Variants in CREB3L2 observed in about 807,000 individuals in gnomAD.
CREB3L2 encodes the protein cAMP responsive element binding protein 3 like 2.
Under a neutral mutation model 57.2 loss-of-function variants are expected in CREB3L2, and 23 were observed. The observed-to-expected ratio is 0.40, with a 90% CI of 0.29 to 0.57. The LOEUF is 0.57. CREB3L2 is among the 20% of genes least tolerant of loss of function. The pLI is 0.42. For synonymous variants in CREB3L2, 268 were observed against 265.1 expected (o/e 1.01, Z -0.11); for missense variants, 628 against 634.7 (o/e 0.99, Z 0.11).
chr7:137,923,567 G>A lies in CREB3L2; in HGVS notation c.319+4583C>T, dbSNP rs561503257. Among the ~76,000 whole-genome samples the A allele has an allele frequency of 2.4e-4, 37 of 152,272 alleles. No homozygotes were observed. In the South Asian group the frequency reaches 6.6e-3, roughly 27 times the overall value. On this transcript the variant is annotated intron_variant, in intron 2 of 11. Coordinates refer to ENST00000330387, the MANE Select transcript of CREB3L2 (RefSeq NM_194071.4). ...AGTGATGTTCTTGTCATCAGCTCAC[G>A]CTATATGTGATGAAGACACCGTTAT...
intron 1 of CREB3L2, among the ~76,000 whole-genome samples, chr7:137,936,098 C>T (rs34786382): frequency 0.091 from 13,863 of 152,220 alleles, 935 homozygotes; most frequent in Admixed American, 0.22. Context: ...ACCTGTCTTC[C>T]GTACAGTACT....
At chr7:137,994,376 C>T (rs1232291640) in intron 1 of CREB3L2, among the ~76,000 whole-genome samples, 1 of 152,222 alleles carries the variant, frequency 6.6e-6, no homozygotes, top group East Asian at 1.9e-4. Context: ...TTGCCACCTG[C>T]TGTCGATCCC....
chr7:137,877,878 G>A lies in CREB3L2; in HGVS notation c.*2598C>T, dbSNP rs1278451268. Reference sequence around the variant, plus strand: ...TCCATTAACTATTTGGAACCAATCTGGTGCTATACAACTCTTCTGTGTCCT... The same window carrying A: ...TCCATTAACTATTTGGAACCAATCTAGTGCTATACAACTCTTCTGTGTCCT... On this transcript the variant is annotated 3_prime_UTR_variant, in exon 12 of 12. Coordinates refer to ENST00000330387, the MANE Select transcript of CREB3L2 (RefSeq NM_194071.4). 4.4e-6 allele frequency: 1 copy of A among 228,480 alleles called. No individual in the cohort carries two copies. Among genetic ancestry groups the A allele is most frequent in the African/African-American group, 2.2e-5 (1 of 45,052 alleles). 14.2% of individuals were successfully genotyped at this position (228,480 alleles called of 1,614,324 possible). A position where few individuals can be genotyped will look rare whatever the true frequency, so the allele number is the denominator to read the frequency against.
intron 1 of CREB3L2, among the ~76,000 whole-genome samples, chr7:137,989,107 TCC>T (rs1801839834): frequency 1.3e-5 from 2 of 152,174 alleles, no homozygotes; most frequent in Admixed American, 1.3e-4. Context: ...TTAATCTTGT[TCC>T]AAAAAAATCA....
chr7:137,888,929 T>C (rs915027153), intron 8 of CREB3L2, among the ~76,000 whole-genome samples: 2 of 152,034 alleles, frequency 1.3e-5, no homozygotes, highest in African/African-American at 4.8e-5. Context: ...CCTTTCCAGA[T>C]GGTACCAAAG....
chr7:137,977,120 C>A (rs923001062), intron 1 of CREB3L2, among the ~76,000 whole-genome samples: 10 of 152,230 alleles, frequency 6.6e-5, no homozygotes, highest in African/African-American at 2.4e-4. Flanking sequence ...TGCCCCTGCA[C>A]CTCCCACCAT....
At chr7:137,913,718 A>G (rs1477530937) in intron 3 of CREB3L2, among the ~76,000 whole-genome samples, 1 of 151,950 alleles carries the variant, frequency 6.6e-6, no homozygotes, top group African/African-American at 2.4e-5. Flanking sequence ...TAGTTTGGGT[A>G]AAGTAAGAAC....
intron 1 of CREB3L2, among the ~76,000 whole-genome samples, chr7:137,983,982 C>T (rs964397347): frequency 6.6e-6 from 1 of 152,204 alleles, no homozygotes; most frequent in Non-Finnish European, 1.5e-5. Flanking sequence ...CACTCACATT[C>T]CAGGCACAGT....
At chr7:137,946,835 T>C (rs1330760188) in intron 1 of CREB3L2, among the ~76,000 whole-genome samples, 1 of 80,204 alleles carries the variant, frequency 1.2e-5, no homozygotes, top group East Asian at 4.4e-4. Context: ...GTTATCTATA[T>C]ATAGTTATCT....
At chr7:137,886,433 G>A (rs188822547) in intron 8 of CREB3L2, among the ~76,000 whole-genome samples, 21 of 151,796 alleles carry the variant, frequency 1.4e-4, no homozygotes, top group African/African-American at 5.1e-4. Flanking sequence ...GACTGGAAAT[G>A]CCAACACAGA....
intron 1 of CREB3L2, among the ~76,000 whole-genome samples, chr7:137,949,811 C>T (rs181654273): frequency 2.0e-5 from 3 of 152,214 alleles, no homozygotes; most frequent in East Asian, 1.9e-4. Flanking sequence ...AAACCCAATC[C>T]GCACTGGTTA....
intron 1 of CREB3L2, among the ~76,000 whole-genome samples, chr7:137,944,395 G>T (rs1221754942): frequency 2.0e-5 from 3 of 152,120 alleles, no homozygotes; most frequent in African/African-American, 7.2e-5. Flanking sequence ...AGGTCTTCTG[G>T]CTCACAAAAG....
chr7:137,928,380 A>T lies in CREB3L2; in HGVS notation c.103-14T>A, dbSNP rs1485022849. The T allele has an allele frequency of 6.2e-7, 1 of 1,606,870 alleles. No homozygotes were observed. Among genetic ancestry groups the T allele is most frequent in the Non-Finnish European group, 8.5e-7 (1 of 1,174,136 alleles). ...TTCTGAGAAGTGCTACAAGAAACAA[A>T]GGAGGAAGAACTCAGTTTCTCTTAA... On this transcript the variant is annotated splice_polypyrimidine_tract_variant and intron_variant, in intron 1 of 11. Transcript: ENST00000330387.
rs1321354179 is a variant in CREB3L2 at position 137,876,515 on chromosome 7, G to A, written c.*3961C>T. Reference sequence around the variant, plus strand: ...CTTATGAAACTGAAAAGTCTTAGGAGTAACTGAATGAGTGAGTGAATGAAC... The same window carrying A: ...CTTATGAAACTGAAAAGTCTTAGGAATAACTGAATGAGTGAGTGAATGAAC... On this transcript the variant is annotated 3_prime_UTR_variant, in exon 12 of 12. Transcript: ENST00000330387. 1 of 232,958 alleles carries A rather than the reference G, an allele frequency of 4.3e-6. No homozygotes were observed. The highest frequency in any genetic ancestry group is 6.0e-5 in the East Asian group (1 of 16,588). 14.4% of individuals were successfully genotyped at this position (232,958 alleles called of 1,614,324 possible). A position where few individuals can be genotyped will look rare whatever the true frequency, so the allele number is the denominator to read the frequency against.
rs1799168456 is a variant in CREB3L2 at position 137,876,924 on chromosome 7, C to G, written c.*3552G>C. On this transcript the variant is annotated 3_prime_UTR_variant, in exon 12 of 12. Coordinates refer to ENST00000330387, the MANE Select transcript of CREB3L2 (RefSeq NM_194071.4). ...GGGGTGGGATGTCTCCATTTCTGGA[C>G]TGTGCTCAAATTCACACCTTGTATG... The G allele has an allele frequency of 4.3e-6, 1 of 232,440 alleles. No homozygotes were observed. The highest frequency in any genetic ancestry group is 8.5e-6 in the Non-Finnish European group (1 of 117,498). 14.4% of individuals were successfully genotyped at this position (232,440 alleles called of 1,614,324 possible).
At chr7:137,988,817 G>A (rs1801833361) in intron 1 of CREB3L2, among the ~76,000 whole-genome samples, 1 of 152,080 alleles carries the variant, frequency 6.6e-6, no homozygotes. Context: ...TCAGAGGCCA[G>A]GCTCAGTGGC....
At chr7:137,910,568 A>AAAAC (rs751855759) in intron 4 of CREB3L2, among the ~76,000 whole-genome samples, 2 of 152,080 alleles carry the variant, frequency 1.3e-5, no homozygotes. Flanking sequence ...TAAAAACAAA[A>AAAAC]AAACAAACAA....
chr7:137,982,572 T>C (rs911849202), intron 1 of CREB3L2, among the ~76,000 whole-genome samples: 3 of 152,234 alleles, frequency 2.0e-5, no homozygotes, highest in African/African-American at 7.2e-5. Flanking sequence ...GATGGTTTTA[T>C]AAAGAGAAGT....
Position 137,908,433 on chromosome 7 carries a change from G to A in CREB3L2, c.587C>T (p.Pro196Leu). 1 of 1,263,550 alleles carries A rather than the reference G, an allele frequency of 7.9e-7. No individual in the cohort carries two copies. The highest frequency in any genetic ancestry group is 3.5e-5 in the South Asian group (1 of 28,562). 78.3% of individuals were successfully genotyped at this position (1,263,550 alleles called of 1,614,324 possible). A position where few individuals can be genotyped will look rare whatever the true frequency, so the allele number is the denominator to read the frequency against. ...GGGCGGCAAATGCAGGTGGTCCACT[G>A]GGGCTGCAAAAAAGGAAGCACATCT... ...QFLNFSPKEA[P>L]VDHLHLPPTP... The change falls in exon 5 of 12, where the codon CCA (proline) becomes CTA (leucine). Residue 196 changes from proline to leucine, a missense_variant. Pro to Leu is a moderately conservative substitution (Grantham distance 98). Coordinates refer to ENST00000330387, the MANE Select transcript of CREB3L2 (RefSeq NM_194071.4).
Sources: gnomAD v4.1 joint callset for allele counts (sites outside exome capture counted in the v4.1 genomes callset) on GRCh38, gnomAD v4.1.1 for gene constraint, MANE v1.5 for transcripts, NCBI Gene and HGNC (gene_info 2026-07-23, HGNC 2026-07-21) for gene names.